Variants in ORC3 observed in about 807,000 individuals in gnomAD.
ORC3 encodes the protein homolog of latheo, Drosophila.
Under a neutral mutation model 100.7 loss-of-function variants are expected in ORC3, and 78 were observed. The observed-to-expected ratio is 0.77, with a 90% CI of 0.65 to 0.94. ORC3 has a LOEUF of 0.94. Ranked by LOEUF, ORC3 falls within the 40% of genes least tolerant of loss-of-function variation. The probability of loss-of-function intolerance (pLI) is 0.00; values close to 1 mark genes in which losing one functional copy is unlikely to be tolerated. For missense variants in ORC3, 789 were observed against 823.9 expected (o/e 0.96, Z 0.52); for synonymous variants, 295 against 289.3 (o/e 1.02, Z -0.20).
chr6:87,639,801 G>GA (rs1280022214), intron 13 of ORC3, among the ~76,000 whole-genome samples: 5 of 111,872 alleles, frequency 4.5e-5, no homozygotes, highest in Non-Finnish European at 6.9e-5. Flanking sequence ...GTAACATGGT[G>GA]AAACCCCCTC....
chr6:87,641,789 C>T (rs897960993), intron 13 of ORC3, among the ~76,000 whole-genome samples: 1 of 152,114 alleles, frequency 6.6e-6, no homozygotes, highest in Non-Finnish European at 1.5e-5. Context: ...ATGATGTTAA[C>T]ATTTGATCAC....
rs980955356 is a variant in ORC3 at position 87,603,388 on chromosome 6, T to G, written c.182T>G (p.Leu61Arg). Residue 61 changes from leucine (L) to arginine (R), a missense_variant, in exon 4 of 20, where the codon CTA (leucine) becomes CGA (arginine). This residue lies in a region of ORC3 where 399 missense variants were observed against 382.0 expected (regional missense o/e 1.04). Coordinates refer to ENST00000392844, the MANE Select transcript of ORC3 (RefSeq NM_012381.4). ...WQQMKSENER[L>R]QEELNKNLFD... The stretch of plus-strand genomic sequence containing the variant: ...GTTTTTGTGTGTTCTTTGTAGCGAC[T>G]ACAAGAGGAATTAAATAAAAACTTG... 16 of 1,474,406 alleles carry G rather than the reference T, an allele frequency of 1.1e-5. No homozygotes were observed. The highest frequency in any genetic ancestry group is 2.7e-5 in the African/African-American group (2 of 73,158). 91.3% of individuals were successfully genotyped at this position (1,474,406 alleles called of 1,614,324 possible).
chr6:87,674,640 A>AT, the ORC3 span, among the ~76,000 whole-genome samples: 45 of 145,836 alleles, frequency 3.1e-4, no homozygotes, highest in African/African-American at 6.9e-4. Flanking sequence ...ATATATATAT[A>AT]TATTTTTTTT....
rs1554236515 is a variant in ORC3, at chr6:87,602,954, A to ATTTATATATATATATATATATAT, written c.178-430_178-429insTTTATATATATATATATATATAT. Among the ~76,000 whole-genome samples the ATTTATATATATATATATATATAT allele has an allele frequency of 1.4e-3, 129 of 95,178 alleles. 2 individuals carry two copies. Among genetic ancestry groups the ATTTATATATATATATATATATAT allele is most frequent in the South Asian group, 2.0e-3 (6 of 2,988 alleles). 62.4% of individuals were successfully genotyped at this position (95,178 alleles called of 152,430 possible). A position where few individuals can be genotyped will look rare whatever the true frequency, so the allele number is the denominator to read the frequency against. On this transcript the variant is annotated intron_variant, in intron 3 of 19. Transcript: ENST00000392844. ...CGTTTATATATATATACACATATAT[A>ATTTATATATATATATATATATAT]ATATATATATATATATACATATATA...
At chr6:87,665,669 A>C (rs1026743052) in intron 18 of ORC3, 85 bp from the exon 19 acceptor site, 4 of 746,074 alleles carry the variant, frequency 5.4e-6, no homozygotes, top group Non-Finnish European at 9.4e-6. Flanking sequence ...TGTGCCAGCT[A>C]TCAACAGCCA....
chr6:87,610,918 A>G (rs1053466951), intron 7 of ORC3, among the ~76,000 whole-genome samples: 6 of 142,826 alleles, frequency 4.2e-5, no homozygotes, highest in African/African-American at 1.6e-4. Flanking sequence ...TAAGAGTTCT[A>G]TATATTAGGA....
Position 87,612,183 on chromosome 6 carries a change from CT to C in ORC3, c.809del (p.Leu270HisfsTer4), listed in dbSNP as rs753336675. 2.5e-6 allele frequency: 4 copies of C among 1,613,248 alleles called. No homozygotes were observed. The African/African-American group carries it at 5.3e-5, about 21-fold the overall frequency. The part of the protein sequence containing the change: ...HRLLPHAVSS[L>X]LCIELFQSLS... ...ATTGCTTCCTCATGCAGTATCATCTCTATTGTGCATAGAACTGTTCCAATCT... is the reference window on the plus strand; with the variant it reads ...ATTGCTTCCTCATGCAGTATCATCTCATTGTGCATAGAACTGTTCCAATCT... On this transcript the variant is annotated frameshift_variant, in exon 8 of 20. Coordinates refer to ENST00000392844, the MANE Select transcript of ORC3 (RefSeq NM_012381.4). LOFTEE classifies it high-confidence loss of function.
At chr6:87,650,202 C>T (rs958551157) in intron 13 of ORC3, among the ~76,000 whole-genome samples, 8 of 151,608 alleles carry the variant, frequency 5.3e-5, no homozygotes, top group African/African-American at 1.2e-4. Flanking sequence ...TACAAGTGTG[C>T]GCCACCAGGC....
At chr6:87,657,878 C>T (rs758146161) in intron 15 of ORC3, 43 bp from the exon 16 acceptor site, 2 of 1,100,672 alleles carry the variant, frequency 1.8e-6, no homozygotes, top group South Asian at 2.5e-5. Flanking sequence ...GAGGGGTTTT[C>T]TGTCTGAGGA....
intron 9 of ORC3, among the ~76,000 whole-genome samples, chr6:87,618,416 CA>C (rs10687033): frequency 6.3e-4 from 88 of 140,530 alleles, no homozygotes; most frequent in East Asian, 8.2e-4. Context: ...GGCTCCATCT[CA>C]AAAAAAAAAA....
chr6:87,612,302 A>T (rs1024309099), intron 8 of ORC3, 54 bp downstream of exon 8: 4 of 1,267,952 alleles, frequency 3.2e-6, no homozygotes, highest in Non-Finnish European at 3.3e-6. Flanking sequence ...ACTGCCAATA[A>T]TAGATTGTTA....
chr6:87,612,764 CG>C lies in ORC3; in HGVS notation c.873+517del, dbSNP rs1778874405. On this transcript the variant is annotated intron_variant, in intron 8 of 19. Coordinates refer to ENST00000392844, the MANE Select transcript of ORC3 (RefSeq NM_012381.4). ...GTAGCTGGGACTTCATGAGGTGTGCCGCCACGCCTGGCTAATTTGTATTTTT... is the reference window on the plus strand; with the variant it reads ...GTAGCTGGGACTTCATGAGGTGTGCCCCACGCCTGGCTAATTTGTATTTTT... Among the ~76,000 whole-genome samples, 12 of 152,166 alleles carry C rather than the reference CG, an allele frequency of 7.9e-5. No homozygotes were observed. The South Asian group carries it at 2.5e-3, about 32-fold the overall frequency.
intron 11 of ORC3, among the ~76,000 whole-genome samples, chr6:87,629,796 C>A (rs530897518): frequency 6.6e-6 from 1 of 151,922 alleles, no homozygotes; most frequent in Non-Finnish European, 1.5e-5. Flanking sequence ...TAAGTGAGAA[C>A]GTGCGGTATT....
At chr6:87,652,129 A>G (rs1188389314) in intron 13 of ORC3, among the ~76,000 whole-genome samples, 1 of 152,074 alleles carries the variant, frequency 6.6e-6, no homozygotes. Context: ...TGATCTCCTG[A>G]CCTCGTGGTC....
At chr6:87,674,144 T>C in the ORC3 span, among the ~76,000 whole-genome samples, 2 of 151,244 alleles carry the variant, frequency 1.3e-5, no homozygotes, top group African/African-American at 2.4e-5. Context: ...CTACTAAAAA[T>C]ACAAAAAATT....
chr6:87,623,918 C>T (rs1779709909), intron 11 of ORC3, among the ~76,000 whole-genome samples: 1 of 151,924 alleles, frequency 6.6e-6, no homozygotes, highest in South Asian at 2.1e-4. Context: ...ACAAAAAGAG[C>T]CTGACATTTA....
intron 13 of ORC3, among the ~76,000 whole-genome samples, chr6:87,644,089 T>C (rs1412219071): frequency 3.9e-5 from 3 of 76,946 alleles, no homozygotes; most frequent in South Asian, 1.0e-3. Context: ...CTTTTTTTTT[T>C]TTTTTTTTTT....
intron 13 of ORC3, among the ~76,000 whole-genome samples, chr6:87,648,770 C>T (rs183553120): frequency 4.6e-5 from 7 of 152,326 alleles, no homozygotes; most frequent in Admixed American, 4.6e-4. Flanking sequence ...TGTTTCTCAT[C>T]ACTATATAAT....
At chr6:87,676,485 G>A in the ORC3 span, among the ~76,000 whole-genome samples, 1,326 of 147,884 alleles carry the variant, frequency 9.0e-3, 21 homozygotes, top group African/African-American at 0.031. Context: ...GGCCGGGCGC[G>A]GTGGCTCACA....
Sources: allele counts gnomAD v4.1 joint callset (sites outside exome capture counted in the v4.1 genomes callset), GRCh38; gene constraint gnomAD v4.1.1; regional missense constraint gnomAD v4.1.1; transcripts MANE v1.5; gene names NCBI Gene and HGNC (gene_info 2026-07-23, HGNC 2026-07-21).